NRG1: variants seen among roughly 807,000 people sequenced by gnomAD.
The protein encoded by NRG1 is pro-neuregulin-1, membrane-bound isoform.
In NRG1, 18 loss-of-function variants were observed where a neutral mutation model predicts 63.8. The ratio of observed to expected loss-of-function variants is 0.28; its 90% CI spans 0.19 to 0.42. The LOEUF is 0.42. Among genes scored for constraint, NRG1 ranks in the 10% least tolerant of loss-of-function variants. The probability of loss-of-function intolerance (pLI) is 1.00; values close to 1 mark genes in which losing one functional copy is unlikely to be tolerated. For missense variants in NRG1, 762 were observed against 814.7 expected (o/e 0.94, Z 0.79); for synonymous variants, 302 against 301.3 (o/e 1.00, Z -0.02).
chr8:32,751,134 G>A (rs1314283422), intron 7 of NRG1: 1 of 152,166 alleles, frequency 6.6e-6, no homozygotes, highest in African/African-American at 2.4e-5. Flanking sequence ...AAAGACACAG[G>A]GGGCTGCTAT....
intron 1 of NRG1, among the ~76,000 whole-genome samples, chr8:31,704,336 G>C (rs1167520069): frequency 1.3e-5 from 2 of 152,124 alleles, no homozygotes; most frequent in East Asian, 3.8e-4. Flanking sequence ...TTAGGAAGAT[G>C]TTATACACAA....
intron 1 of NRG1, among the ~76,000 whole-genome samples, chr8:32,516,522 C>T (rs1166867885): frequency 2.6e-5 from 4 of 151,992 alleles, no homozygotes; most frequent in Non-Finnish European, 5.9e-5. Flanking sequence ...TTGGGAAATA[C>T]GGCCATTTTA....
chr8:31,664,868 GA>G (rs1806364714), intron 1 of NRG1, among the ~76,000 whole-genome samples: 1 of 152,212 alleles, frequency 6.6e-6, no homozygotes, highest in African/African-American at 2.4e-5. Context: ...TGGAAAGCAT[GA>G]TCAGTGACCA....
At chr8:32,540,203 G>C (rs7819333) in intron 1 of NRG1, among the ~76,000 whole-genome samples, 58,866 of 151,760 alleles carry the variant, frequency 0.39, 12,110 homozygotes, top group East Asian at 0.71. Flanking sequence ...AGGAGAGTAT[G>C]GATTAGATTT....
At chr8:31,777,377 T>C (rs962312931) in intron 1 of NRG1, among the ~76,000 whole-genome samples, 2 of 152,222 alleles carry the variant, frequency 1.3e-5, no homozygotes, top group Non-Finnish European at 2.9e-5. Flanking sequence ...GGACCCAATG[T>C]AGAGATGAGG....
At chr8:32,432,095 A>G (rs533339871) in intron 1 of NRG1, among the ~76,000 whole-genome samples, 156 of 152,306 alleles carry the variant, frequency 1.0e-3, no homozygotes, top group Non-Finnish European at 1.9e-3. Flanking sequence ...CTGTTAAACT[A>G]TCAGGTGGGA....
intron 1 of NRG1, among the ~76,000 whole-genome samples, chr8:31,712,351 C>T (rs549715487): frequency 1.1e-4 from 16 of 148,046 alleles, no homozygotes; most frequent in African/African-American, 3.7e-4. Context: ...TCACTGCAAC[C>T]TCTGCCTCCC....
intron 1 of NRG1, among the ~76,000 whole-genome samples, chr8:32,457,260 G>A (rs895590765): frequency 4.6e-5 from 7 of 152,138 alleles, no homozygotes; most frequent in African/African-American, 1.7e-4. Context: ...GCCACATATA[G>A]AACATCTACT....
chr8:32,532,942 G>T (rs1197493596), intron 1 of NRG1, among the ~76,000 whole-genome samples: 3 of 151,420 alleles, frequency 2.0e-5, no homozygotes, highest in Non-Finnish European at 4.4e-5. Flanking sequence ...TTAAGTTGCT[G>T]GTTTTTTTAA....
chr8:32,070,343 A>G (rs1365368211), intron 1 of NRG1, among the ~76,000 whole-genome samples: 1 of 152,166 alleles, frequency 6.6e-6, no homozygotes, highest in Non-Finnish European at 1.5e-5. Context: ...ATATTAAATG[A>G]CCATTATAAC....
intron 1 of NRG1, among the ~76,000 whole-genome samples, chr8:32,113,486 A>G (rs1380140262): frequency 6.6e-6 from 1 of 152,142 alleles, no homozygotes; most frequent in Admixed American, 6.5e-5. Flanking sequence ...TGGTTCCTCC[A>G]GCCTGACAGG....
chr8:32,326,202 G>T (rs1214166989), intron 1 of NRG1, among the ~76,000 whole-genome samples: 1 of 151,380 alleles, frequency 6.6e-6, no homozygotes, highest in East Asian at 1.9e-4. Context: ...TAGAGACAGG[G>T]TTTCACCATG....
At chr8:31,876,920 A>AG (rs1331932526) in intron 1 of NRG1, among the ~76,000 whole-genome samples, 11 of 152,212 alleles carry the variant, frequency 7.2e-5, no homozygotes, top group African/African-American at 2.4e-4. Context: ...TACTTTCTTA[A>AG]GTACACGCTG....
chr8:31,714,371 A>G (rs1812140450), intron 1 of NRG1, among the ~76,000 whole-genome samples: 1 of 152,096 alleles, frequency 6.6e-6, no homozygotes, highest in African/African-American at 2.4e-5. Context: ...GTTTAAAATG[A>G]AGTGTGGATT....
At chr8:32,482,703 G>T (rs976587952) in intron 1 of NRG1, among the ~76,000 whole-genome samples, 2 of 152,156 alleles carry the variant, frequency 1.3e-5, no homozygotes, top group African/African-American at 2.4e-5. Flanking sequence ...AAGAGGAAAT[G>T]CATGGAGCAG....
chr8:32,021,995 C>G (rs1284002486), intron 1 of NRG1, among the ~76,000 whole-genome samples: 1 of 151,900 alleles, frequency 6.6e-6, no homozygotes, highest in Non-Finnish European at 1.5e-5. Flanking sequence ...TGGTGTTTTT[C>G]TATTTATTGT....
At chr8:32,413,987 C>T (rs1736462844) in intron 1 of NRG1, among the ~76,000 whole-genome samples, 2 of 151,502 alleles carry the variant, frequency 1.3e-5, no homozygotes, top group South Asian at 4.2e-4. Flanking sequence ...TAGGATATCA[C>T]ATCGTTCAGA....
intron 1 of NRG1, among the ~76,000 whole-genome samples, chr8:31,940,681 A>G (rs2129621045): frequency 6.6e-6 from 1 of 152,266 alleles, no homozygotes; most frequent in African/African-American, 2.4e-5. Context: ...AAGAGAGAAC[A>G]TCCAAATAAT....
intron 1 of NRG1, among the ~76,000 whole-genome samples, chr8:32,285,507 C>A (rs1026562594): frequency 2.0e-5 from 3 of 152,180 alleles, no homozygotes; most frequent in South Asian, 2.1e-4. Context: ...TGCTGGTAGA[C>A]CAAGTACGGA....
Sources: allele counts gnomAD v4.1 joint callset (sites outside exome capture counted in the v4.1 genomes callset), GRCh38; gene constraint gnomAD v4.1.1; transcripts MANE v1.5; gene names NCBI Gene and HGNC (gene_info 2026-07-23, HGNC 2026-07-21).